Variants in GADL1 observed in about 807,000 individuals in gnomAD.
GADL1 encodes GAD like acidic amino acid decarboxylase 1.
Under a neutral mutation model 69.5 loss-of-function variants are expected in GADL1, and 71 were observed. That is an observed-to-expected ratio of 1.02 (90% CI 0.84 to 1.25). The LOEUF (loss-of-function observed/expected upper bound fraction) is 1.25. GADL1 is among the 50% of genes most tolerant of loss of function. GADL1 has a pLI of 0.00. For synonymous variants in GADL1, 254 were observed against 214.4 expected (o/e 1.18, Z -1.62); for missense variants, 737 against 631.8 (o/e 1.17, Z -1.79).
intron 1 of GADL1, among the ~76,000 whole-genome samples, chr3:30,878,802 G>A (rs559343958): frequency 2.0e-4 from 31 of 151,920 alleles, no homozygotes; most frequent in Admixed American, 1.7e-3. Flanking sequence ...TCCTTATTAT[G>A]TTCTTTAATT....
At chr3:30,856,452 A>G (rs1020278396) in intron 3 of GADL1, among the ~76,000 whole-genome samples, 3 of 152,068 alleles carry the variant, frequency 2.0e-5, no homozygotes, top group African/African-American at 4.8e-5. Context: ...AATCTCATCA[A>G]AAACTTGGAA....
intron 14 of GADL1, among the ~76,000 whole-genome samples, chr3:30,743,771 C>T (rs1405951510): frequency 6.6e-6 from 1 of 152,198 alleles, no homozygotes; most frequent in Non-Finnish European, 1.5e-5. Context: ...AAATGTCCTT[C>T]TTGCCTTTGC....
At chr3:30,816,093 C>T (rs1249164385) in intron 11 of GADL1, among the ~76,000 whole-genome samples, 1 of 152,084 alleles carries the variant, frequency 6.6e-6, no homozygotes, top group African/African-American at 2.4e-5. Context: ...CAGGCCTGCA[C>T]TGGACATGAG....
At chr3:30,803,929 T>C (rs1156401891) in intron 11 of GADL1, among the ~76,000 whole-genome samples, 1 of 152,232 alleles carries the variant, frequency 6.6e-6, no homozygotes, top group Non-Finnish European at 1.5e-5. Flanking sequence ...ACCATATTTA[T>C]CTTGCTCATC....
intron 11 of GADL1, among the ~76,000 whole-genome samples, chr3:30,808,315 G>GTT: frequency 6.6e-6 from 1 of 152,054 alleles, no homozygotes; most frequent in Non-Finnish European, 1.5e-5. Flanking sequence ...GACCAACATG[G>GTT]TTGAAACCCC....
At chr3:30,796,108 A>C (rs961637451) in intron 12 of GADL1, among the ~76,000 whole-genome samples, 1 of 152,204 alleles carries the variant, frequency 6.6e-6, no homozygotes, top group Non-Finnish European at 1.5e-5. Context: ...ATGAATGTTA[A>C]CTTTATAATA....
In GADL1 at chr3:30,805,734, C is replaced by CTTTTTTT. The variant is rs34788058; in HGVS notation, c.1051-4653_1051-4647dup. Among the ~76,000 whole-genome samples, 50 of 66,088 alleles carry CTTTTTTT rather than the reference C, an allele frequency of 7.6e-4. 3 individuals carry two copies. The highest frequency in any genetic ancestry group is 3.5e-3 in the African/African-American group (42 of 11,832). 43.4% of individuals were successfully genotyped at this position (66,088 alleles called of 152,430 possible). On this transcript the variant is annotated intron_variant, in intron 11 of 14. Transcript: ENST00000282538. ...ATTCTGTGCACCAGCAGTCCCCAGC[C>CTTTTTTT]TTTTTTTTTTTTTTTTTTTTTTTTG...
chr3:30,786,504 TAAGA>T lies in GADL1; in HGVS notation c.1251-102_1251-99del, dbSNP rs541327579. On this transcript the variant is annotated intron_variant, in intron 12 of 14. Coordinates refer to ENST00000282538, the MANE Select transcript of GADL1 (RefSeq NM_207359.3). ...AACTGATTCAGACAGGGCTTGGAGA[TAAGA>T]AAGATACAGATAAAGGTCAAGGAAC... The T allele has an allele frequency of 5.7e-4, 405 of 706,716 alleles. 3 individuals are homozygous for T. The African/African-American group carries it at 6.2e-3, about 11-fold the overall frequency. The allele number at this position is 706,716 out of a possible 1,614,324, so 43.8% of individuals were successfully genotyped here. A position where few individuals can be genotyped will look rare whatever the true frequency, so the allele number is the denominator to read the frequency against.
intron 8 of GADL1, among the ~76,000 whole-genome samples, chr3:30,841,068 G>A (rs1372365143): frequency 6.6e-6 from 1 of 152,170 alleles, no homozygotes; most frequent in African/African-American, 2.4e-5. Flanking sequence ...TTGAATCCCA[G>A]CAGAAAAAAT....
chr3:30,780,626 G>C (rs1036468750), intron 13 of GADL1, among the ~76,000 whole-genome samples: 1 of 152,108 alleles, frequency 6.6e-6, no homozygotes, highest in South Asian at 2.1e-4. Context: ...TTACAAAACA[G>C]TTTACGATGT....
chr3:30,800,948 C>G lies in GADL1; in HGVS notation c.1191G>C (p.Trp397Cys). The part of the protein sequence containing the change: ...RPDAFKFWMT[W>C]KALGTLGLEE... ...CAAGGCCTAATGTACCCAGGGCCTTCCAGGTCATCCAGAACTTGAATGCAT... is the reference window on the plus strand; with the variant it reads ...CAAGGCCTAATGTACCCAGGGCCTTGCAGGTCATCCAGAACTTGAATGCAT... The change falls in exon 12 of 15, where the codon TGG becomes TGC. Residue 397 changes from tryptophan to cysteine, a missense_variant. Trp to Cys is a radical substitution (Grantham distance 215, BLOSUM62 -2). Transcript: ENST00000282538. 1.2e-6 allele frequency: 2 copies of G among 1,613,734 alleles called. No homozygotes were observed. Among genetic ancestry groups the G allele is most frequent in the Non-Finnish European group, 1.7e-6 (2 of 1,179,934 alleles).
rs1698293248 is a variant in GADL1 at position 30,859,864 on chromosome 3, G to T, written c.210+1729C>A. Reference sequence around the variant, plus strand: ...AGCATAGCTTTCAATCCAACTTCCCGTGGGTAGCCTGCACATCTATTACAT... The same window carrying T: ...AGCATAGCTTTCAATCCAACTTCCCTTGGGTAGCCTGCACATCTATTACAT... On this transcript the variant is annotated intron_variant, in intron 2 of 14. Coordinates refer to ENST00000282538, the MANE Select transcript of GADL1 (RefSeq NM_207359.3). Among the ~76,000 whole-genome samples the T allele has an allele frequency of 4.6e-5, 7 of 151,972 alleles. 1 individual carries two copies. The South Asian group carries it at 1.5e-3, about 32-fold the overall frequency.
At chr3:30,792,813 A>G (rs1001330056) in intron 12 of GADL1, among the ~76,000 whole-genome samples, 3 of 152,102 alleles carry the variant, frequency 2.0e-5, no homozygotes, top group African/African-American at 4.8e-5. Flanking sequence ...AGGTAAGAAT[A>G]TTTTCCCCAG....
At chr3:30,804,085 A>G (rs1218488443) in intron 11 of GADL1, among the ~76,000 whole-genome samples, 1 of 152,226 alleles carries the variant, frequency 6.6e-6, no homozygotes, top group East Asian at 1.9e-4. Flanking sequence ...GGACTTGTAC[A>G]GTGGCAAATG....
At chr3:30,776,863 A>G (rs947117318) in intron 14 of GADL1, among the ~76,000 whole-genome samples, 28 of 152,080 alleles carry the variant, frequency 1.8e-4, no homozygotes, top group Non-Finnish European at 1.6e-4. Context: ...TTTGAATCAC[A>G]TTCTCCCCTC....
chr3:30,849,826 G>T (rs1443568291), intron 6 of GADL1, among the ~76,000 whole-genome samples, 170 bp downstream of exon 6: 2 of 152,026 alleles, frequency 1.3e-5, no homozygotes, highest in Non-Finnish European at 2.9e-5. Context: ...TGGACCAGGC[G>T]TTACAACATC....
At chr3:30,866,538 G>A (rs942577146) in intron 1 of GADL1, among the ~76,000 whole-genome samples, 26 of 151,992 alleles carry the variant, frequency 1.7e-4, no homozygotes, top group African/African-American at 6.0e-4. Flanking sequence ...AGAAAGGGGA[G>A]GTCTTCTCAG....
At chr3:30,819,115 G>A (rs1697525301) in intron 11 of GADL1, among the ~76,000 whole-genome samples, 1 of 151,886 alleles carries the variant, frequency 6.6e-6, no homozygotes, top group Admixed American at 6.6e-5. Context: ...TTCCCACATT[G>A]AGTTTCACCT....
intron 12 of GADL1, among the ~76,000 whole-genome samples, chr3:30,788,716 T>C (rs950110024): frequency 1.3e-5 from 2 of 152,206 alleles, no homozygotes; most frequent in African/African-American, 2.4e-5. Context: ...TAAGTTTATG[T>C]AATATTCTAT....
Sources: gnomAD v4.1 joint callset for allele counts (sites outside exome capture counted in the v4.1 genomes callset) on GRCh38, gnomAD v4.1.1 for gene constraint, MANE v1.5 for transcripts, NCBI Gene and HGNC (gene_info 2026-07-23, HGNC 2026-07-21) for gene names.